The following CEP192 variants were observed in gnomAD, a reference collection of about 807,000 sequenced individuals.
CEP192 encodes the protein centrosomal protein 192, also known as centrosomal protein of 192 kDa.
CEP192 carries 151 observed loss-of-function variants against 271.8 expected under a neutral mutation model. The observed-to-expected ratio is 0.56, with a 90% CI of 0.49 to 0.64. The LOEUF is 0.64. Ranked by LOEUF, CEP192 falls within the 30% of genes least tolerant of loss-of-function variation. The pLI, the probability that CEP192 is intolerant of heterozygous loss-of-function variation, is 0.00. For synonymous variants in CEP192, 995 were observed against 1,076.5 expected, an observed-to-expected ratio of 0.92 and a Z score of 1.48; for missense variants, 2,910 against 3,020.5, an observed-to-expected ratio of 0.96 and a Z score of 0.86.
Position 13,089,461 on chromosome 18 carries a change from T to G in CEP192, c.5999T>G (p.Leu2000Arg). The change falls in exon 33 of 45, where the codon CTG (leucine) becomes CGG (arginine). Residue 2000 changes from leucine to arginine, a missense_variant. By Grantham distance (102) the Leu-to-Arg change is moderately radical. Transcript: ENST00000506447. ...EISRQQYRRA[L>R]LHKPEMIKQI... The stretch of plus-strand genomic sequence containing the variant: ...AAAAAAATCTCTCCTGGCAGGGCCC[T>G]GTTACATAAACCAGAGATGATAAAA... The G allele has an allele frequency of 6.5e-7, 1 of 1,549,414 alleles. No homozygotes were observed.
intron 30 of CEP192, among the ~76,000 whole-genome samples, chr18:13,074,421 C>T (rs542512109): frequency 8.5e-5 from 13 of 152,240 alleles, no homozygotes; most frequent in African/African-American, 2.6e-4. Context: ...GAGGATAATG[C>T]TTGGTTTGTG....
Position 13,113,643 on chromosome 18 carries a change from G to A in CEP192, c.7105G>A (p.Glu2369Lys). The A allele has an allele frequency of 6.2e-7, 1 of 1,613,434 alleles. No individual in the cohort carries two copies. Among genetic ancestry groups the A allele is most frequent in the East Asian group, 2.2e-5 (1 of 44,870 alleles). The change falls in exon 41 of 45, where the codon GAA (glutamate) becomes AAA (lysine). Residue 2369 changes from glutamate to lysine, a missense_variant. Coordinates refer to ENST00000506447, the MANE Select transcript of CEP192 (RefSeq NM_032142.4). ...RGDYAQFWDV[E>K]CHPLKEPHMK... Reference sequence around the variant, plus strand: ...GGATTATGCCCAGTTTTGGGATGTTGAATGTCACCCTCTTAAGGAGCCTCA... The same window carrying A: ...GGATTATGCCCAGTTTTGGGATGTTAAATGTCACCCTCTTAAGGAGCCTCA...
At chr18:13,009,447 A>C (rs66929859) in intron 4 of CEP192, among the ~76,000 whole-genome samples, 17,114 of 152,152 alleles carry the variant, frequency 0.11, 1,127 homozygotes, top group East Asian at 0.31. Flanking sequence ...TTTTTTTATA[A>C]AACTGATGAA....
chr18:13,059,199 A>G lies in CEP192; in HGVS notation c.4375A>G (p.Thr1459Ala). The G allele has an allele frequency of 6.2e-7, 1 of 1,614,190 alleles. No homozygotes were observed. Among genetic ancestry groups the G allele is most frequent in the Non-Finnish European group, 8.5e-7 (1 of 1,180,028 alleles). Residue 1459 changes from threonine to alanine, a missense_variant, in exon 21 of 45, where the codon ACA (threonine) becomes GCA (alanine). Coordinates refer to ENST00000506447, the MANE Select transcript of CEP192 (RefSeq NM_032142.4). ...ATCCAGTCCTGGGGTTTTCAGATGC[A>G]CATTCAGTGTTGCTTCTTGGCCATG... ...IPSSPGVFRC[T>A]FSVASWPCST...
rs201633789 is a variant in CEP192 at position 13,063,096 on chromosome 18, T to C, written c.4488+3784T>C. 8.5e-5 allele frequency among the ~76,000 whole-genome samples: 13 copies of C among 152,354 alleles called. No homozygotes were observed. In the East Asian group the frequency reaches 2.5e-3, roughly 29 times the overall value. On this transcript the variant is annotated intron_variant, in intron 21 of 44. Coordinates refer to ENST00000506447, the MANE Select transcript of CEP192 (RefSeq NM_032142.4). ...TGGCTGAATCGTACTCCATTGTGTA[T>C]ATGTACCACGTTTTCTTTATCCATT...
chr18:13,018,625 GA>G lies in CEP192; in HGVS notation c.925+13del. 1 of 1,460,620 alleles carries G rather than the reference GA, an allele frequency of 6.8e-7. No homozygotes were observed. Among genetic ancestry groups the G allele is most frequent in the Non-Finnish European group, 9.1e-7 (1 of 1,098,314 alleles). 90.5% of individuals were successfully genotyped at this position (1,460,620 alleles called of 1,614,324 possible). On this transcript the variant is annotated intron_variant, in intron 8 of 44. Coordinates refer to ENST00000506447, the MANE Select transcript of CEP192 (RefSeq NM_032142.4). ...TGTCTACCTGGGACTAGTAAGTATA[GA>G]AATATGATTCTTTTGTTCTTAAGTT...
At chr18:13,075,190 T>TTGCCCTTCTGCCTTC (rs1379574066) in intron 30 of CEP192, among the ~76,000 whole-genome samples, 1 of 152,230 alleles carries the variant, frequency 6.6e-6, no homozygotes, top group Non-Finnish European at 1.5e-5. Context: ...TTTGGCCTTT[T>TTGCCCTTCTGCCTTC]TGCCCTTCTG....
rs139404667 is a variant in CEP192 at position 13,056,667 on chromosome 18, A to G, written c.4077A>G (p.Glu1359=). Residue 1359 remains glutamate, a synonymous_variant, in exon 19 of 45, where the codon GAA becomes GAG. Coordinates refer to ENST00000506447, the MANE Select transcript of CEP192 (RefSeq NM_032142.4). ...CTGTTGGTACAAACTGTGGAATTGA[A>G]CCATGGGATTCAGGAGTGACATCAG... The part of the protein sequence containing the change: ...VPSVGTNCGI[E]PWDSGVTSGL... The G allele has an allele frequency of 3.5e-5, 57 of 1,610,082 alleles. No individual in the cohort carries two copies. In the Middle Eastern group the frequency reaches 5.0e-4, roughly 14 times the overall value.
intron 32 of CEP192, 100 bp downstream of exon 32, chr18:13,087,746 A>C (rs556853596): frequency 4.1e-6 from 2 of 486,210 alleles, no homozygotes; most frequent in Non-Finnish European, 7.1e-6. Flanking sequence ...TTCACTATTT[A>C]TTAGTGAACT....
intron 11 of CEP192, among the ~76,000 whole-genome samples, chr18:13,036,459 T>G (rs189574819): frequency 7.2e-5 from 11 of 152,294 alleles, no homozygotes; most frequent in Admixed American, 6.5e-4. Flanking sequence ...TCCTTTCTGC[T>G]CCAACCCTGC....
chr18:13,059,012 A>C (rs2037265816), intron 20 of CEP192, 70 bp from the exon 21 acceptor site: 3 of 964,422 alleles, frequency 3.1e-6, no homozygotes, highest in Non-Finnish European at 5.0e-6. Flanking sequence ...AAGGAATCTT[A>C]AACTAGGTGA....
At chr18:13,048,430 C>A (rs2036595324) in intron 15 of CEP192, among the ~76,000 whole-genome samples, 1 of 152,138 alleles carries the variant, frequency 6.6e-6, no homozygotes, top group South Asian at 2.1e-4. Flanking sequence ...AGTAGTGTTG[C>A]CTGCAATTTG....
chr18:13,107,592 A>G (rs2040014393), intron 40 of CEP192, among the ~76,000 whole-genome samples: 1 of 152,242 alleles, frequency 6.6e-6, no homozygotes, highest in Non-Finnish European at 1.5e-5. Flanking sequence ...GCTAGGAATT[A>G]TCAGAATAAG....
At chr18:12,991,983 T>A (rs1489945537) in intron 1 of CEP192, among the ~76,000 whole-genome samples, 1 of 152,258 alleles carries the variant, frequency 6.6e-6, no homozygotes, top group Non-Finnish European at 1.5e-5. Flanking sequence ...CGTTCATTTA[T>A]TCCTAATAGT....
intron 11 of CEP192, among the ~76,000 whole-genome samples, chr18:13,035,573 G>A (rs951740849): frequency 2.0e-5 from 3 of 152,166 alleles, no homozygotes; most frequent in Non-Finnish European, 2.9e-5. Context: ...TGAGAATTCT[G>A]GGAGATAACA....
At chr18:13,061,743 G>T (rs1435917738) in intron 21 of CEP192, among the ~76,000 whole-genome samples, 1 of 152,188 alleles carries the variant, frequency 6.6e-6, no homozygotes, top group Non-Finnish European at 1.5e-5. Context: ...TGGGCTAGAA[G>T]ATTTTTTGAG....
At chr18:13,020,862 T>C (rs2143240827) in intron 9 of CEP192, among the ~76,000 whole-genome samples, 1 of 152,312 alleles carries the variant, frequency 6.6e-6, no homozygotes, top group East Asian at 1.9e-4. Context: ...CTTCTTTTCA[T>C]GTATGTCTTC....
chr18:13,027,984 C>G (rs970993877), intron 9 of CEP192, among the ~76,000 whole-genome samples: 4 of 152,108 alleles, frequency 2.6e-5, no homozygotes, highest in African/African-American at 9.7e-5. Flanking sequence ...ACAGGCATGC[C>G]TAAAACAACA....
In CEP192 at chr18:13,049,068, T is replaced by G; in HGVS notation, c.2277T>G (p.Tyr759Ter). Reference protein sequence around the residue: ...TFQEDEKQKDYSHVRHFLPND... With the variant: ...TFQEDEKQKD ...AGGAAGATGAGAAACAAAAGGACTA[T>G]TCTCATGTGCGTCATTTCTTACCTA... The change falls in exon 16 of 45, where the codon TAT (tyrosine) becomes TAG (stop). Residue 759 changes from tyrosine (Y) to a stop codon, truncating the protein, a stop_gained. Coordinates refer to ENST00000506447, the MANE Select transcript of CEP192 (RefSeq NM_032142.4). LOFTEE classifies it high-confidence loss of function. 1 of 1,614,134 alleles carries G rather than the reference T, an allele frequency of 6.2e-7. No homozygotes were observed. The highest frequency in any genetic ancestry group is 8.5e-7 in the Non-Finnish European group (1 of 1,179,994).
Sources: allele counts gnomAD v4.1 joint callset (sites outside exome capture counted in the v4.1 genomes callset), GRCh38; gene constraint gnomAD v4.1.1; transcripts MANE v1.5; gene names NCBI Gene and HGNC (gene_info 2026-07-23, HGNC 2026-07-21).